Variants in MEGF11 observed in about 807,000 individuals in gnomAD.
MEGF11 encodes the protein multiple EGF like domains 11, also known as multiple epidermal growth factor-like domains protein 11.
In MEGF11, 126 loss-of-function variants were observed where a neutral mutation model predicts 146.6. That is an observed-to-expected ratio of 0.86 (90% CI 0.74 to 1.00). The LOEUF (loss-of-function observed/expected upper bound fraction) is 1.00, where lower values mean the gene tolerates loss of function less well. MEGF11 is among the 50% of genes least tolerant of loss of function. MEGF11 has a pLI of 0.00. For synonymous variants in MEGF11, 532 were observed against 583.4 expected, an observed-to-expected ratio of 0.91 and a Z score of 1.27; for missense variants, 1,509 against 1,521.2, an observed-to-expected ratio of 0.99 and a Z score of 0.13.
chr15:66,014,396 G>T (rs142721862), intron 5 of MEGF11, among the ~76,000 whole-genome samples: 64 of 152,310 alleles, frequency 4.2e-4, no homozygotes, highest in Non-Finnish European at 8.2e-4. Flanking sequence ...TAATATATCT[G>T]CCCCTTAGGG....
At chr15:66,178,615 A>G (rs2090456333) in intron 1 of MEGF11, among the ~76,000 whole-genome samples, 1 of 152,240 alleles carries the variant, frequency 6.6e-6, no homozygotes, top group African/African-American at 2.4e-5. Flanking sequence ...CTAGGGCAGC[A>G]TTTAAGGAAG....
At chr15:66,155,627 G>A (rs1026257149) in intron 1 of MEGF11, among the ~76,000 whole-genome samples, 6 of 152,150 alleles carry the variant, frequency 3.9e-5, no homozygotes, top group African/African-American at 7.2e-5. Flanking sequence ...TAGAAACCTC[G>A]ATTTAACATG....
intron 5 of MEGF11, among the ~76,000 whole-genome samples, chr15:65,984,718 C>T (rs2081791560): frequency 6.6e-6 from 1 of 151,924 alleles, no homozygotes; most frequent in South Asian, 2.1e-4. Context: ...AGCTTATTGT[C>T]CATATGTTGT....
chr15:66,153,581 AAAAG>A (rs2089647088), intron 1 of MEGF11, among the ~76,000 whole-genome samples: 1 of 152,048 alleles, frequency 6.6e-6, no homozygotes, highest in Admixed American at 6.6e-5. Flanking sequence ...TCAAAAAAGA[AAAAG>A]AAAAAGAAAG....
intron 1 of MEGF11, among the ~76,000 whole-genome samples, chr15:66,218,712 C>G (rs1471282691): frequency 1.3e-5 from 2 of 152,092 alleles, no homozygotes; most frequent in South Asian, 4.2e-4. Context: ...GAAGCCAGGG[C>G]CTGTTTTGGC....
At chr15:66,108,219 G>A (rs528539783) in intron 4 of MEGF11, among the ~76,000 whole-genome samples, 238 of 152,286 alleles carry the variant, frequency 1.6e-3, no homozygotes, top group African/African-American at 5.6e-3. Flanking sequence ...AGGACCCTGC[G>A]GAACGCACCT....
intron 5 of MEGF11, among the ~76,000 whole-genome samples, chr15:66,077,203 C>A (rs1476103287): frequency 6.6e-6 from 1 of 152,240 alleles, no homozygotes; most frequent in Non-Finnish European, 1.5e-5. Context: ...ACCACACTGA[C>A]CTGCTCAGCA....
chr15:66,052,318 C>A (rs1755403063), intron 5 of MEGF11, among the ~76,000 whole-genome samples: 1 of 152,106 alleles, frequency 6.6e-6, no homozygotes, highest in Non-Finnish European at 1.5e-5. Context: ...AGATGATGGC[C>A]CAGCCGTCCT....
intron 4 of MEGF11, among the ~76,000 whole-genome samples, chr15:66,099,104 G>A (rs1428457394): frequency 6.6e-6 from 1 of 151,996 alleles, no homozygotes; most frequent in Non-Finnish European, 1.5e-5. Flanking sequence ...GACATTAACG[G>A]CCAAACACTC....
At chr15:66,115,930 A>G (rs1275853089) in intron 4 of MEGF11, among the ~76,000 whole-genome samples, 1 of 152,146 alleles carries the variant, frequency 6.6e-6, no homozygotes, top group Non-Finnish European at 1.5e-5. Flanking sequence ...CAGACTTCTG[A>G]GCCCCAGAAC....
chr15:65,950,594 C>G (rs1195921444), intron 10 of MEGF11, among the ~76,000 whole-genome samples: 117 of 20,670 alleles, frequency 5.7e-3, no homozygotes, highest in African/African-American at 0.017. Context: ...GACACACACA[C>G]ACACACACAC....
At chr15:66,156,878 T>A (rs1293894918) in intron 1 of MEGF11, among the ~76,000 whole-genome samples, 1 of 151,998 alleles carries the variant, frequency 6.6e-6, no homozygotes, top group African/African-American at 2.4e-5. Context: ...CTTCCCCAGG[T>A]CACAGAGCCA....
At chr15:66,169,312 C>A (rs1192522885) in intron 1 of MEGF11, among the ~76,000 whole-genome samples, 1 of 152,206 alleles carries the variant, frequency 6.6e-6, no homozygotes, top group Non-Finnish European at 1.5e-5. Context: ...TGGCTTCAGC[C>A]CCCAGCCTCC....
chr15:66,064,699 C>CT (rs112463730), intron 5 of MEGF11, among the ~76,000 whole-genome samples: 118,359 of 149,838 alleles, frequency 0.79, 49,734 homozygotes, highest in Non-Finnish European at 0.92. Context: ...TATTTTTTTT[C>CT]TTTTTTTTTA....
chr15:65,977,740 C>CCT (rs2081500049), intron 7 of MEGF11, among the ~76,000 whole-genome samples: 1 of 152,044 alleles, frequency 6.6e-6, no homozygotes, highest in Non-Finnish European at 1.5e-5. Context: ...TCCTCAGCCT[C>CCT]CTCTCTTCCA....
At chr15:65,915,025 C>G (rs979625152) in intron 19 of MEGF11, among the ~76,000 whole-genome samples, 2 of 152,182 alleles carry the variant, frequency 1.3e-5, no homozygotes, top group Non-Finnish European at 2.9e-5. Context: ...AAGGTTGAGC[C>G]CCTTTGGGCT....
At chr15:66,123,043 A>C (rs972752055) in intron 3 of MEGF11, among the ~76,000 whole-genome samples, 1 of 152,174 alleles carries the variant, frequency 6.6e-6, no homozygotes, top group Admixed American at 6.5e-5. Context: ...TCGGCCTCCC[A>C]AAGTGCTGGG....
intron 1 of MEGF11, among the ~76,000 whole-genome samples, chr15:66,163,746 C>T (rs2090017958): frequency 1.3e-5 from 2 of 152,192 alleles, no homozygotes; most frequent in Non-Finnish European, 1.5e-5. Context: ...TAAAAAGATC[C>T]GTCCTGGCTG....
chr15:66,034,800 T>C (rs1178372966), intron 5 of MEGF11, among the ~76,000 whole-genome samples: 1 of 151,142 alleles, frequency 6.6e-6, no homozygotes, highest in African/African-American at 2.5e-5. Context: ...GATTAATGAG[T>C]GTTCTGCCCT....
Sources: allele counts gnomAD v4.1 joint callset (sites outside exome capture counted in the v4.1 genomes callset), GRCh38; gene constraint gnomAD v4.1.1; transcripts MANE v1.5; gene names NCBI Gene and HGNC (gene_info 2026-07-23, HGNC 2026-07-21).